NOL10: variants seen among roughly 807,000 people sequenced by gnomAD.
NOL10 encodes H_NH0074G24.1.
A neutral mutation model predicts 103.5 loss-of-function variants in NOL10; 58 were observed. The ratio of observed to expected loss-of-function variants is 0.56; its 90% CI spans 0.45 to 0.70. NOL10 has a LOEUF of 0.70. Ranked by LOEUF, NOL10 falls within the 30% of genes least tolerant of loss-of-function variation. NOL10 has a pLI of 0.00. For synonymous variants in NOL10, 287 were observed against 282.5 expected (o/e 1.02, Z -0.16); for missense variants, 763 against 807.3 (o/e 0.95, Z 0.67).
At chr2:10,654,309 C>A (rs1462564730) in intron 12 of NOL10, among the ~76,000 whole-genome samples, 172 bp downstream of exon 12, 5 of 152,184 alleles carry the variant, frequency 3.3e-5, no homozygotes, top group African/African-American at 1.2e-4. Context: ...CTTAATTCTT[C>A]TAAGTAAGTT....
chr2:10,581,329 A>G (rs1674741065), intron 19 of NOL10, among the ~76,000 whole-genome samples: 2 of 152,292 alleles, frequency 1.3e-5, no homozygotes, highest in South Asian at 4.2e-4. Flanking sequence ...GCTTTAAAGA[A>G]ATACTTGTCC....
At chr2:10,621,629 T>C (rs1677154792) in intron 13 of NOL10, among the ~76,000 whole-genome samples, 1 of 152,084 alleles carries the variant, frequency 6.6e-6, no homozygotes, top group Non-Finnish European at 1.5e-5. Flanking sequence ...TTTGGGCTTC[T>C]AGGCAACCAA....
intron 13 of NOL10, among the ~76,000 whole-genome samples, chr2:10,629,921 A>G (rs913105170): frequency 6.6e-6 from 1 of 152,174 alleles, no homozygotes. Flanking sequence ...CTGAGTAGCT[A>G]AAACTACAAA....
At chr2:10,618,193 A>G (rs1411334956) in intron 13 of NOL10, among the ~76,000 whole-genome samples, 1 of 152,028 alleles carries the variant, frequency 6.6e-6, no homozygotes, top group Non-Finnish European at 1.5e-5. Flanking sequence ...TATACACTTT[A>G]AAAGGATAAA....
In NOL10 at chr2:10,670,451, A is replaced by G. The variant is rs144283914; in HGVS notation, c.464+1103T>C. Among the ~76,000 whole-genome samples the G allele has an allele frequency of 9.9e-5, 15 of 152,266 alleles. No homozygotes were observed. The East Asian group carries it at 2.9e-3, about 29-fold the overall frequency. On this transcript the variant is annotated intron_variant, in intron 6 of 20. Coordinates refer to ENST00000381685, the MANE Select transcript of NOL10 (RefSeq NM_024894.4). ...TGCTTTGTTAAAAACAAAACAAAACAGGGCCGGGCACCGTGGCTCATGTCT... is the reference window on the plus strand; with the variant it reads ...TGCTTTGTTAAAAACAAAACAAAACGGGGCCGGGCACCGTGGCTCATGTCT...
chr2:10,684,665 T>C lies in NOL10; in HGVS notation c.67-53A>G, dbSNP rs559030111. The C allele has an allele frequency of 2.7e-5, 38 of 1,430,014 alleles. No individual in the cohort carries two copies. In the African/African-American group the frequency reaches 3.7e-4, roughly 14 times the overall value. The allele number at this position is 1,430,014 out of a possible 1,614,324, so 88.6% of individuals were successfully genotyped here. ...TAAAACAAATTTAGCTAAATTGTTTTTCGGCTTGCAAAATCAATACATGCT... is the reference window on the plus strand; with the variant it reads ...TAAAACAAATTTAGCTAAATTGTTTCTCGGCTTGCAAAATCAATACATGCT... On this transcript the variant is annotated intron_variant, in intron 1 of 20. Transcript: ENST00000381685.
chr2:10,589,281 C>T lies in NOL10; in HGVS notation c.1606G>A (p.Glu536Lys). Residue 536 changes from glutamate to lysine, a missense_variant, in exon 19 of 21, where the codon GAA (glutamate) becomes AAA (lysine). Physicochemically the swap from Glu to Lys is moderately conservative, Grantham distance 56. Transcript: ENST00000381685. ...QQELREKEEEEEPEGKPSDAE... is the reference protein window; with the variant it reads ...QQELREKEEEKEPEGKPSDAE... ...TCACTTGGTTTTCCTTCCGGCTCTT[C>T]CTCCTCTTCCTGAGAATAAAAATAG... The T allele has an allele frequency of 1.9e-6, 3 of 1,613,596 alleles. No homozygotes were observed. The highest frequency in any genetic ancestry group is 2.5e-6 in the Non-Finnish European group (3 of 1,179,868).
chr2:10,578,375 A>C (rs1245990446), intron 19 of NOL10, among the ~76,000 whole-genome samples: 1 of 152,228 alleles, frequency 6.6e-6, no homozygotes, highest in Non-Finnish European at 1.5e-5. Context: ...ACTGTACCTG[A>C]TTCAGCTCTA....
At position 10,589,250 on chromosome 2, in the gene NOL10, T is replaced by C; in HGVS notation, c.1637A>G (p.Glu546Gly). ...EEPEGKPSDA[E>G]SSESSDDEKA... ...TTCATCATCTGAACTCTCCGAACTT[T>C]CTGCATCACTTGGTTTTCCTTCCGG... is the stretch of plus-strand genomic sequence containing the variant. Residue 546 changes from glutamate to glycine, a missense_variant, in exon 19 of 21, where the codon GAA (glutamate) becomes GGA (glycine). Transcript: ENST00000381685. 6.2e-7 allele frequency: 1 copy of C among 1,613,938 alleles called. No individual in the cohort carries two copies. Among genetic ancestry groups the C allele is most frequent in the South Asian group, 1.1e-5 (1 of 91,072 alleles).
intron 14 of NOL10, among the ~76,000 whole-genome samples, chr2:10,605,566 C>T (rs35454548): frequency 0.25 from 37,673 of 151,994 alleles, 6,512 homozygotes; most frequent in African/African-American, 0.45. Flanking sequence ...TACTTTTTAA[C>T]AAAATATACC....
rs375815234 is a variant in NOL10, at chr2:10,600,889, C to T, written c.1386G>A (p.Glu462=). 3.9e-6 allele frequency: 6 copies of T among 1,557,058 alleles called. No homozygotes were observed. The highest frequency in any genetic ancestry group is 4.7e-5 in the East Asian group (2 of 42,190). The change falls in exon 17 of 21, where the codon GAG becomes GAA. Residue 462 remains glutamate (E), a synonymous_variant. Transcript: ENST00000381685. ...TTTTCCATGTAGATTTCTGCTTCTC[C>T]TCTTCTTCCTCAATTAATTTAAGTG... ...ELALKLIEEE[E]EKQKSTWKKK... is the part of the protein sequence containing the mutation.
chr2:10,639,398 G>A (rs144835180), intron 13 of NOL10, among the ~76,000 whole-genome samples: 1 of 152,254 alleles, frequency 6.6e-6, no homozygotes, highest in African/African-American at 2.4e-5. Context: ...CTCCAGCCTG[G>A]GCGACAGAGC....
intron 13 of NOL10, among the ~76,000 whole-genome samples, chr2:10,616,066 C>T (rs1352490555): frequency 6.6e-6 from 1 of 152,128 alleles, no homozygotes; most frequent in African/African-American, 2.4e-5. Flanking sequence ...TCTACCAGCC[C>T]AAACCCCTAA....
chr2:10,603,210 T>C, intron 14 of NOL10, 53 bp from the exon 15 acceptor site: 2 of 1,322,508 alleles, frequency 1.5e-6, no homozygotes, highest in Non-Finnish European at 2.1e-6. Context: ...TTCATTAACA[T>C]TCAACAGTTT....
chr2:10,623,833 CAAT>C (rs750639898), intron 13 of NOL10, among the ~76,000 whole-genome samples: 16 of 152,284 alleles, frequency 1.1e-4, no homozygotes, highest in East Asian at 9.6e-4. Context: ...ATTAAAACAA[CAAT>C]AAGATACTAT....
chr2:10,685,351 G>C (rs1250403891), intron 1 of NOL10, among the ~76,000 whole-genome samples: 3 of 151,912 alleles, frequency 2.0e-5, no homozygotes, highest in African/African-American at 4.8e-5. Flanking sequence ...AAATTAGCTA[G>C]GTGTGGTGGT....
chr2:10,676,773 G>A (rs1436889301), intron 3 of NOL10, among the ~76,000 whole-genome samples: 1 of 151,852 alleles, frequency 6.6e-6, no homozygotes, highest in Non-Finnish European at 1.5e-5. Context: ...GAGTAGCTGG[G>A]ATTACAGGTG....
chr2:10,628,520 G>T (rs1677629606), intron 13 of NOL10, among the ~76,000 whole-genome samples: 1 of 152,022 alleles, frequency 6.6e-6, no homozygotes, highest in Non-Finnish European at 1.5e-5. Context: ...TCTATCCATT[G>T]CATTAAATAT....
chr2:10,606,708 C>T (rs1158333202), intron 14 of NOL10, among the ~76,000 whole-genome samples: 3 of 151,424 alleles, frequency 2.0e-5, no homozygotes, highest in African/African-American at 7.3e-5. Context: ...GACCTTCAAA[C>T]ATAAAGTAAC....
Sources: allele counts gnomAD v4.1 joint callset (sites outside exome capture counted in the v4.1 genomes callset), GRCh38; gene constraint gnomAD v4.1.1; transcripts MANE v1.5; gene names NCBI Gene and HGNC (gene_info 2026-07-23, HGNC 2026-07-21).